Variants in SYNE2 observed in about 807,000 individuals in gnomAD.
The protein encoded by SYNE2 is spectrin repeat containing nuclear envelope protein 2, also known as nesprin-2.
SYNE2 carries 431 observed loss-of-function variants against 856.3 expected under a neutral mutation model. The observed-to-expected ratio is 0.50, with a 90% CI of 0.47 to 0.55. The LOEUF (loss-of-function observed/expected upper bound fraction) is 0.55. Among genes scored for constraint, SYNE2 ranks in the 20% least tolerant of loss-of-function variants. The pLI, the probability that SYNE2 is intolerant of heterozygous loss-of-function variation, is 0.00. For missense variants in SYNE2, 8,129 were observed against 8,023.2 expected (o/e 1.01, Z -0.50); for synonymous variants, 2,923 against 2,872.3 (o/e 1.02, Z -0.56).
chr14:63,818,024 C>CAAAAAAAAAAAAAAAAA (rs34186501), intron 1 of SYNE2, among the ~76,000 whole-genome samples: 1 of 64,774 alleles, frequency 1.5e-5, no homozygotes, highest in African/African-American at 6.5e-5. Context: ...GACCCTTTCT[C>CAAAAAAAAAAAAAAAAA]AAAAAAAAAA....
At chr14:63,768,352 G>T (rs17225497) in intron 1 of SYNE2, among the ~76,000 whole-genome samples, 7,424 of 152,236 alleles carry the variant, frequency 0.049, 208 homozygotes, top group Middle Eastern at 0.082. Flanking sequence ...AGTTAGCTGA[G>T]ATTAAGCCTT....
At chr14:63,830,799 C>T (rs1889637393) in intron 1 of SYNE2, among the ~76,000 whole-genome samples, 1 of 150,572 alleles carries the variant, frequency 6.6e-6, no homozygotes, top group Middle Eastern at 3.5e-3. Context: ...TAAATGGGAG[C>T]CTATTTCTCA....
chr14:63,963,362 T>C (rs1206056140), intron 9 of SYNE2, among the ~76,000 whole-genome samples: 7 of 152,228 alleles, frequency 4.6e-5, no homozygotes, highest in Non-Finnish European at 8.8e-5. Context: ...AAATAAGATA[T>C]AACTTCTTTG....
At chr14:63,981,195 C>G (rs2096582683) in intron 16 of SYNE2, 22 bp downstream of exon 16, 2 of 1,575,178 alleles carry the variant, frequency 1.3e-6, no homozygotes, top group Non-Finnish European at 1.7e-6. Context: ...CTAATAGCAT[C>G]TGCTCAATTT....
intron 40 of SYNE2, 47 bp from the exon 41 acceptor site, chr14:64,025,083 T>C (rs2096967365): frequency 6.2e-7 from 1 of 1,613,952 alleles, no homozygotes; most frequent in Non-Finnish European, 8.5e-7. Flanking sequence ...GTTTCTTCCA[T>C]GGTGTGGTTA....
chr14:64,096,464 C>T (rs1248397777), intron 61 of SYNE2, among the ~76,000 whole-genome samples: 1 of 152,184 alleles, frequency 6.6e-6, no homozygotes, highest in Non-Finnish European at 1.5e-5. Flanking sequence ...TTGAGAGCAG[C>T]TGCTCCATGT....
upstream of SYNE2, among the ~76,000 whole-genome samples, chr14:63,851,796 G>C (rs1363679241): frequency 6.6e-6 from 1 of 151,822 alleles, no homozygotes; most frequent in Non-Finnish European, 1.5e-5. Context: ...TTTAAGAAAA[G>C]TTAAGGCCGG....
At chr14:63,909,446 C>T (rs1311857322) in intron 2 of SYNE2, among the ~76,000 whole-genome samples, 2 of 152,092 alleles carry the variant, frequency 1.3e-5, no homozygotes, top group Non-Finnish European at 2.9e-5. Flanking sequence ...TCTCCAGTTT[C>T]TTACTGAGTG....
intron 34 of SYNE2, 30 bp downstream of exon 34, chr14:64,017,786 C>G: frequency 6.2e-7 from 1 of 1,607,800 alleles, no homozygotes; most frequent in Non-Finnish European, 8.5e-7. Flanking sequence ...ACATGCTTTT[C>G]TTGGTACACA....
chr14:64,078,634 C>T (rs1383771477), intron 55 of SYNE2, 28 bp downstream of exon 55: 17 of 1,611,784 alleles, frequency 1.1e-5, no homozygotes, highest in Non-Finnish European at 1.4e-5. Context: ...CTCCCTTCAG[C>T]ATTTGGTACT....
intron 49 of SYNE2, among the ~76,000 whole-genome samples, chr14:64,058,449 C>T (rs939335838): frequency 6.6e-6 from 1 of 151,952 alleles, no homozygotes; most frequent in Admixed American, 6.6e-5. Flanking sequence ...AACTTTCGAC[C>T]CATTATCTCT....
intron 15 of SYNE2, 25 bp from the exon 16 acceptor site, chr14:63,980,961 C>T: frequency 6.7e-7 from 1 of 1,483,396 alleles, no homozygotes; most frequent in Non-Finnish European, 9.3e-7. Flanking sequence ...TCTAAGATTA[C>T]TTTTTTGTTT....
chr14:64,139,448 G>A (rs2098123470), intron 79 of SYNE2, among the ~76,000 whole-genome samples: 1 of 150,814 alleles, frequency 6.6e-6, no homozygotes, highest in African/African-American at 2.4e-5. Context: ...GTCTTGCTCT[G>A]TCGCCCAGGC....
intron 2 of SYNE2, among the ~76,000 whole-genome samples, chr14:63,927,915 C>T (rs938668300): frequency 6.6e-6 from 1 of 152,014 alleles, no homozygotes; most frequent in Non-Finnish European, 1.5e-5. Context: ...TGCCTTTCGC[C>T]TTCTGCCATG....
In SYNE2 at chr14:64,138,631, T is replaced by TA. The variant is rs202150920; in HGVS notation, c.14843+655dup. 7.6e-3 allele frequency among the ~76,000 whole-genome samples: 1,156 copies of TA among 151,394 alleles called. 8 individuals are homozygous for TA. Among genetic ancestry groups the TA allele is most frequent in the South Asian group, 0.034 (162 of 4,780 alleles). On this transcript the variant is annotated intron_variant, in intron 79 of 115. Transcript: ENST00000555002. ...TTGCTCTTTCCAAAAGTTTTAAAAT[T>TA]AAAAAAATTAAATGATTTTAGCTAA... is the stretch of plus-strand genomic sequence containing the variant.
chr14:64,087,888 GATTAA>G (rs760538445), intron 58 of SYNE2, 32 bp downstream of exon 58: 2 of 1,609,404 alleles, frequency 1.2e-6, no homozygotes, highest in Non-Finnish European at 1.7e-6. Flanking sequence ...AATCATTCAG[GATTAA>G]ATTAGAGGCT....
chr14:63,982,762 A>G lies in SYNE2; in HGVS notation c.1969A>G (p.Arg657Gly), dbSNP rs1376900683. Residue 657 changes from arginine (R) to glycine (G), a missense_variant, in exon 17 of 116, where the codon AGA (arginine) becomes GGA (glycine). Around this residue, in one of 3 missense-constraint regions of SYNE2, gnomAD observed 2,422 missense variants for 2,357.4 expected, o/e 1.03. Coordinates refer to ENST00000555002, the MANE Select transcript of SYNE2 (RefSeq NM_182914.3). ...ISKELRRLNKRWRKLVSKTQL... is the reference protein window; with the variant it reads ...ISKELRRLNKGWRKLVSKTQL... ...TAAAGAACTGAGAAGGCTGAATAAA[A>G]GATGGAGAAAGTTGGTTTCAAAAAC... 6 of 1,613,974 alleles carry G rather than the reference A, an allele frequency of 3.7e-6. No individual in the cohort carries two copies. Among genetic ancestry groups the G allele is most frequent in the Non-Finnish European group, 5.1e-6 (6 of 1,179,986 alleles).
intron 1 of SYNE2, among the ~76,000 whole-genome samples, chr14:63,770,023 C>T (rs1886844350): frequency 6.6e-6 from 1 of 152,052 alleles, no homozygotes; most frequent in Non-Finnish European, 1.5e-5. Flanking sequence ...AAGCAATCCT[C>T]CTGCCTCAGC....
At chr14:63,942,199 T>C (rs1595773962) in intron 6 of SYNE2, 56 bp downstream of exon 6, 2 of 1,064,550 alleles carry the variant, frequency 1.9e-6, no homozygotes, top group East Asian at 2.4e-5. Flanking sequence ...ATAAAATAAA[T>C]GTAATGCAAT....
Sources: allele counts gnomAD v4.1 joint callset (sites outside exome capture counted in the v4.1 genomes callset), GRCh38; gene constraint gnomAD v4.1.1; regional missense constraint gnomAD v4.1.1; transcripts MANE v1.5; gene names NCBI Gene and HGNC (gene_info 2026-07-23, HGNC 2026-07-21).